The following ISLR2 variants were observed in gnomAD, a reference collection of about 807,000 sequenced individuals.
The protein encoded by ISLR2 is immunoglobulin superfamily containing leucine-rich repeat protein 2.
A neutral mutation model predicts 25.5 loss-of-function variants in ISLR2; 16 were observed. The observed-to-expected ratio is 0.63, with a 90% CI of 0.43 to 0.95. ISLR2 has a LOEUF of 0.95. Ranked by LOEUF, ISLR2 falls within the 40% of genes least tolerant of loss-of-function variation. The pLI, the probability that ISLR2 is intolerant of heterozygous loss-of-function variation, is 0.00. For missense variants in ISLR2, 883 were observed against 1,030.7 expected (o/e 0.86, Z 1.96); for synonymous variants, 508 against 486.6 (o/e 1.04, Z -0.58).
upstream of ISLR2, among the ~76,000 whole-genome samples, chr15:74,124,975 A>G (rs144500621): frequency 2.0e-5 from 3 of 152,110 alleles, no homozygotes; most frequent in African/African-American, 7.2e-5. Flanking sequence ...TTGTGAGACG[A>G]TACACTTAAT....
chr15:74,118,403 G>A (rs1177926788), intron 2 of ISLR2, among the ~76,000 whole-genome samples: 9 of 152,138 alleles, frequency 5.9e-5, no homozygotes, highest in Non-Finnish European at 1.2e-4. Context: ...GAAGTTTCAG[G>A]CACGCATTGT....
Position 74,132,694 on chromosome 15 carries a change from G to A in ISLR2, c.-8-53G>A, listed in dbSNP as rs1299039012. On this transcript the variant is annotated intron_variant, in intron 2 of 2. Transcript: ENST00000453268. This position sits in a 1 kb window ranked among gnomAD's most constrained non-coding sequence, Gnocchi z 4.3. The stretch of plus-strand genomic sequence containing the variant: ...AGGCACAGCTTGATAGGGGAGGTAA[G>A]CTGGGGTTCAGTGAGTCACCTTCTT... 1 of 1,561,636 alleles carries A rather than the reference G, an allele frequency of 6.4e-7. No individual in the cohort carries two copies. The highest frequency in any genetic ancestry group is 1.4e-5 in the African/African-American group (1 of 73,936).
At chr15:74,123,217 C>A (rs151292169), upstream of ISLR2, among the ~76,000 whole-genome samples, 2 of 152,004 alleles carry the variant, frequency 1.3e-5, no homozygotes, top group Non-Finnish European at 2.9e-5. Context: ...GGGACCCAAG[C>A]GGGCCTCAAG....
intron 2 of ISLR2, among the ~76,000 whole-genome samples, chr15:74,118,217 C>T (rs907461260): frequency 6.6e-5 from 10 of 151,504 alleles, no homozygotes; most frequent in African/African-American, 1.9e-4. Context: ...TGATGCCCCC[C>T]GAGCCGTAAA....
chr15:74,118,814 T>C (rs150240627), intron 2 of ISLR2, among the ~76,000 whole-genome samples: 3,825 of 152,068 alleles, frequency 0.025, 161 homozygotes, highest in African/African-American at 0.088. Flanking sequence ...TCCGCTACCA[T>C]GCCCGGCTAA....
At chr15:74,141,146 T>G (rs2072608838), downstream of ISLR2, among the ~76,000 whole-genome samples, 1 of 152,246 alleles carries the variant, frequency 6.6e-6, no homozygotes, top group Non-Finnish European at 1.5e-5. Context: ...TTGTGCTAAT[T>G]GTGTGTGCTT....
intron 2 of ISLR2, among the ~76,000 whole-genome samples, chr15:74,120,106 G>A (rs565411066): frequency 2.0e-5 from 3 of 152,298 alleles, no homozygotes; most frequent in Non-Finnish European, 4.4e-5. Flanking sequence ...GGCTCCAAGC[G>A]CTTGCCCCAA....
intron 2 of ISLR2, among the ~76,000 whole-genome samples, chr15:74,117,538 C>G (rs2072220344): frequency 6.6e-6 from 1 of 151,968 alleles, no homozygotes; most frequent in Non-Finnish European, 1.5e-5. Context: ...AAAAAAATAG[C>G]CAGGCATGGT....
intron 2 of ISLR2, among the ~76,000 whole-genome samples, chr15:74,119,106 T>C (rs577238848): frequency 6.6e-6 from 1 of 152,182 alleles, no homozygotes; most frequent in Non-Finnish European, 1.5e-5. Context: ...TCTGGGGGCA[T>C]TGAAAATCCA....
In ISLR2 at chr15:74,132,749, G is replaced by T; in HGVS notation, c.-6G>T. 1 of 1,605,142 alleles carries T rather than the reference G, an allele frequency of 6.2e-7. No homozygotes were observed. The highest frequency in any genetic ancestry group is 8.5e-7 in the Non-Finnish European group (1 of 1,172,776). On this transcript the variant is annotated splice_region_variant and 5_prime_UTR_variant, in exon 3 of 3. Coordinates refer to ENST00000453268, the MANE Select transcript of ISLR2 (RefSeq NM_020851.3). The surrounding 1 kb of genome is among the most constrained non-coding windows in gnomAD (Gnocchi z 4.3). Reference sequence around the variant, plus strand: ...CTTCACCTGGCTTCCATCTGCAGGAGCCGCGATGTTCCCCCTTCGGGCCCT... The same window carrying T: ...CTTCACCTGGCTTCCATCTGCAGGATCCGCGATGTTCCCCCTTCGGGCCCT...
In ISLR2 at chr15:74,134,400, G is replaced by A; in HGVS notation, c.1646G>A (p.Gly549Asp). ...GTGCAGTGGTCCCGCGTAGAGGAAG[G>A]CGTCAACGCCTACTGGTTCCGCGGC... The part of the protein sequence containing the change: ...AAVQWSRVEE[G>D]VNAYWFRGLR... The change falls in exon 3 of 3, where the codon GGC becomes GAC. Residue 549 changes from glycine (G) to aspartate (D), a missense_variant. By Grantham distance (94) the Gly-to-Asp change is moderately conservative (BLOSUM62 -1). Transcript: ENST00000453268. 2 of 1,610,878 alleles carry A rather than the reference G, an allele frequency of 1.2e-6. No individual in the cohort carries two copies. The highest frequency in any genetic ancestry group is 1.3e-5 in the African/African-American group (1 of 75,062).
chr15:74,117,392 C>G (rs964573565), intron 2 of ISLR2, among the ~76,000 whole-genome samples: 1 of 152,038 alleles, frequency 6.6e-6, no homozygotes, highest in African/African-American at 2.4e-5. Flanking sequence ...CCTGAATACA[C>G]AAATCAGGAA....
At chr15:74,123,392 C>T (rs975444543), upstream of ISLR2, among the ~76,000 whole-genome samples, 2 of 152,194 alleles carry the variant, frequency 1.3e-5, no homozygotes, top group South Asian at 2.1e-4. Context: ...CCCAACTCAA[C>T]CTGCAAACTG....
chr15:74,117,489 T>A (rs2072219854), intron 2 of ISLR2, among the ~76,000 whole-genome samples: 1 of 151,936 alleles, frequency 6.6e-6, no homozygotes, highest in Non-Finnish European at 1.5e-5. Context: ...GAGTCCAGTC[T>A]AGGCAACATA....
chr15:74,107,138 TC>T lies in ISLR2; in HGVS notation n.228+3226del, dbSNP rs1312152962. On this transcript the variant is annotated intron_variant and non_coding_transcript_variant, in intron 2 of 3. Transcript: ENST00000561975. ...CTTCCTTCCCAGGGTCCCCTGAGAATCCAAAGGCATCCAGGGTAAAGTGCAC... is the reference window on the plus strand; with the variant it reads ...CTTCCTTCCCAGGGTCCCCTGAGAATCAAAGGCATCCAGGGTAAAGTGCAC... Among the ~76,000 whole-genome samples the T allele has an allele frequency of 3.9e-5, 6 of 152,194 alleles. No individual in the cohort carries two copies. In the South Asian group the frequency reaches 1.0e-3, roughly 26 times the overall value.
At chr15:74,116,656 T>A (rs1487668184) in intron 2 of ISLR2, among the ~76,000 whole-genome samples, 1 of 152,140 alleles carries the variant, frequency 6.6e-6, no homozygotes, top group African/African-American at 2.4e-5. Flanking sequence ...TGTCTAGAAA[T>A]AATTGACTGA....
At chr15:74,111,983 T>C (rs2072171767) in intron 2 of ISLR2, among the ~76,000 whole-genome samples, 1 of 152,208 alleles carries the variant, frequency 6.6e-6, no homozygotes, top group African/African-American at 2.4e-5. Context: ...TCTACACTAA[T>C]ACAAAATAGA....
At chr15:74,108,608 C>T (rs1480834125) in intron 2 of ISLR2, among the ~76,000 whole-genome samples, 2 of 152,230 alleles carry the variant, frequency 1.3e-5, no homozygotes, top group African/African-American at 4.8e-5. Context: ...GGAGAAGGGC[C>T]TCTGGAAATC....
chr15:74,122,814 C>T (rs1372481314), intron 2 of ISLR2, among the ~76,000 whole-genome samples: 2 of 152,150 alleles, frequency 1.3e-5, no homozygotes, highest in East Asian at 3.9e-4. Flanking sequence ...GAAGGCCCTG[C>T]GCAGCCCCCC....
Sources: allele counts gnomAD v4.1 joint callset (sites outside exome capture counted in the v4.1 genomes callset), GRCh38; gene constraint gnomAD v4.1.1; non-coding constraint Gnocchi (gnomAD v3.1); transcripts MANE v1.5; gene names NCBI Gene and HGNC (gene_info 2026-07-23, HGNC 2026-07-21).